RNLS: variants seen among roughly 807,000 people sequenced by gnomAD.
RNLS encodes the protein renalase, FAD dependent amine oxidase.
Under a neutral mutation model 39.8 loss-of-function variants are expected in RNLS, and 39 were observed. That is an observed-to-expected ratio of 0.98 (90% CI 0.76 to 1.28). The LOEUF (loss-of-function observed/expected upper bound fraction) is 1.28. Among genes scored for constraint, RNLS ranks in the 50% most tolerant of loss-of-function variants. The pLI, the probability that RNLS is intolerant of heterozygous loss-of-function variation, is 0.00. For missense variants in RNLS, 410 were observed against 413.3 expected (o/e 0.99, Z 0.07); for synonymous variants, 147 against 150.7 (o/e 0.98, Z 0.18).
At chr10:88,246,756 A>G in the RNLS span, among the ~76,000 whole-genome samples, 1 of 152,178 alleles carries the variant, frequency 6.6e-6, no homozygotes, top group African/African-American at 2.4e-5. Context: ...TTACTGCAAG[A>G]AATCAACGCA....
intron 4 of RNLS, among the ~76,000 whole-genome samples, chr10:88,546,934 A>G (rs1469913595): frequency 6.6e-6 from 1 of 151,968 alleles, no homozygotes; most frequent in African/African-American, 2.4e-5. Context: ...TAGACAGAAG[A>G]CTGTACCATG....
intron 5 of RNLS, among the ~76,000 whole-genome samples, chr10:88,354,718 T>C (rs1199944228): frequency 1.3e-5 from 2 of 152,226 alleles, no homozygotes; most frequent in Non-Finnish European, 2.9e-5. Context: ...TCGACAATTA[T>C]CTTTGTGGCG....
At chr10:88,530,227 C>T (rs1291375419) in intron 4 of RNLS, among the ~76,000 whole-genome samples, 2 of 152,108 alleles carry the variant, frequency 1.3e-5, no homozygotes, top group Admixed American at 6.6e-5. Flanking sequence ...TTGTGAAAAG[C>T]GAATGGGTAG....
intron 4 of RNLS, among the ~76,000 whole-genome samples, chr10:88,470,919 T>G (rs972209238): frequency 6.6e-6 from 1 of 152,148 alleles, no homozygotes; most frequent in Non-Finnish European, 1.5e-5. Flanking sequence ...CGGCCTGTAA[T>G]TTTAATTTTT....
chr10:88,402,813 T>C (rs1255413420), intron 4 of RNLS, among the ~76,000 whole-genome samples: 1 of 152,068 alleles, frequency 6.6e-6, no homozygotes, highest in Non-Finnish European at 1.5e-5. Flanking sequence ...AATGAGATAT[T>C]GACAAAAGTA....
In RNLS at chr10:88,492,290, C is replaced by T. The variant is rs532630581; in HGVS notation, c.526+80613G>A. Among the ~76,000 whole-genome samples, 16 of 152,154 alleles carry T rather than the reference C, an allele frequency of 1.1e-4. No individual in the cohort carries two copies. The East Asian group carries it at 2.9e-3, about 27-fold the overall frequency. On this transcript the variant is annotated intron_variant, in intron 4 of 6. Coordinates refer to ENST00000331772, the MANE Select transcript of RNLS (RefSeq NM_001031709.3). ...AATTTTTGGGGTAGCATTTAGTCCTCTTAAGAAACATCAGAAAAAGTCCAA... is the reference window on the plus strand; with the variant it reads ...AATTTTTGGGGTAGCATTTAGTCCTTTTAAGAAACATCAGAAAAAGTCCAA...
intron 5 of RNLS, among the ~76,000 whole-genome samples, chr10:88,358,071 C>G (rs963127330): frequency 6.6e-6 from 1 of 152,134 alleles, no homozygotes; most frequent in Non-Finnish European, 1.5e-5. Context: ...TTTTCAGAAC[C>G]AGAATCTGAA....
intron 6 of RNLS, among the ~76,000 whole-genome samples, chr10:88,311,741 A>G (rs1429117613): frequency 2.6e-5 from 4 of 152,228 alleles, no homozygotes; most frequent in African/African-American, 7.2e-5. Context: ...GTAGGCATTC[A>G]TTAAACGCTT....
chr10:88,199,698 AT>A, the RNLS span, among the ~76,000 whole-genome samples: 1 of 152,158 alleles, frequency 6.6e-6, no homozygotes, highest in East Asian at 1.9e-4. Context: ...CACCTCCCAT[AT>A]AGACCCTCTG....
At position 88,409,402 on chromosome 10, in the gene RNLS, C is replaced by A. The variant is rs537037434; in HGVS notation, c.527-46677G>T. On this transcript the variant is annotated intron_variant, in intron 4 of 6. Transcript: ENST00000331772. ...TTAGATGAATCATGATTCTTTCTTA[C>A]TTCTGCAAGAGCTATCACATATATG... 9.9e-5 allele frequency among the ~76,000 whole-genome samples: 15 copies of A among 152,226 alleles called. No individual in the cohort carries two copies. In the South Asian group the frequency reaches 3.1e-3, roughly 32 times the overall value.
intron 4 of RNLS, among the ~76,000 whole-genome samples, chr10:88,416,283 C>T (rs751999454): frequency 2.0e-5 from 3 of 150,634 alleles, no homozygotes; most frequent in Non-Finnish European, 4.4e-5. Flanking sequence ...GATGGAGTTT[C>T]GCTCTTGTTG....
intron 4 of RNLS, among the ~76,000 whole-genome samples, chr10:88,415,935 T>C (rs1440997338): frequency 1.3e-5 from 2 of 152,210 alleles, no homozygotes; most frequent in Non-Finnish European, 2.9e-5. Context: ...TCTGAACTCT[T>C]CTGTGGGTCT....
the RNLS span, among the ~76,000 whole-genome samples, chr10:88,208,578 C>T: frequency 3.3e-5 from 5 of 151,960 alleles, no homozygotes; most frequent in Admixed American, 6.6e-5. Context: ...GGGAAGTTAA[C>T]GTATGGCAAA....
chr10:88,477,210 C>G (rs1380606583), intron 4 of RNLS, among the ~76,000 whole-genome samples: 2 of 151,934 alleles, frequency 1.3e-5, no homozygotes, highest in Non-Finnish European at 1.5e-5. Flanking sequence ...AAAGACTGTT[C>G]CATGTGTACA....
At chr10:88,466,112 A>G (rs1429050414) in intron 4 of RNLS, among the ~76,000 whole-genome samples, 1 of 152,122 alleles carries the variant, frequency 6.6e-6, no homozygotes, top group East Asian at 1.9e-4. Flanking sequence ...CTATGAGCAG[A>G]TGGGATGCCA....
intron 3 of RNLS, among the ~76,000 whole-genome samples, chr10:88,576,458 T>C (rs1850217955): frequency 6.6e-6 from 1 of 152,218 alleles, no homozygotes; most frequent in African/African-American, 2.4e-5. Context: ...CAAGTTTATG[T>C]TTCTCCTATG....
the RNLS span, among the ~76,000 whole-genome samples, chr10:88,179,724 T>C: frequency 6.6e-6 from 1 of 152,228 alleles, no homozygotes; most frequent in Non-Finnish European, 1.5e-5. Context: ...GCCCATACTT[T>C]TTAACCACAA....
chr10:88,363,090 T>G (rs552545838), intron 4 of RNLS, among the ~76,000 whole-genome samples: 1 of 152,254 alleles, frequency 6.6e-6, no homozygotes, highest in African/African-American at 2.4e-5. Flanking sequence ...GCTATATACT[T>G]GACATAAGCA....
At chr10:88,175,891 A>T in the RNLS span, among the ~76,000 whole-genome samples, 2 of 151,986 alleles carry the variant, frequency 1.3e-5, no homozygotes, top group African/African-American at 4.8e-5. Context: ...AGATCTAATA[A>T]TTTTTTCTTC....
Sources: gnomAD v4.1 joint callset for allele counts (sites outside exome capture counted in the v4.1 genomes callset) on GRCh38, gnomAD v4.1.1 for gene constraint, MANE v1.5 for transcripts, NCBI Gene and HGNC (gene_info 2026-07-23, HGNC 2026-07-21) for gene names.